Variants in XPA observed in about 807,000 individuals in gnomAD.
XPA encodes the protein XPA, DNA damage recognition and repair factor.
In XPA, 27 loss-of-function variants were observed where a neutral mutation model predicts 35.7. The observed-to-expected ratio is 0.76, with a 90% CI of 0.56 to 1.04. XPA has a LOEUF of 1.04. Ranked by LOEUF, XPA falls within the 50% of genes least tolerant of loss-of-function variation. The probability of loss-of-function intolerance (pLI) is 0.00; values close to 1 mark genes in which losing one functional copy is unlikely to be tolerated. For synonymous variants in XPA, 133 were observed against 118.4 expected (o/e 1.12, Z -0.80); for missense variants, 354 against 342.7 (o/e 1.03, Z -0.26).
intron 3 of XPA, among the ~76,000 whole-genome samples, chr9:97,687,893 G>A (rs1046249098): frequency 1.3e-5 from 2 of 152,126 alleles, no homozygotes; most frequent in Non-Finnish European, 2.9e-5. Context: ...TGGAGACATA[G>A]CCAGCGAATG....
At chr9:97,665,765 C>A in the XPA span, among the ~76,000 whole-genome samples, 142 of 150,012 alleles carry the variant, frequency 9.5e-4, no homozygotes, top group African/African-American at 3.4e-3. Flanking sequence ...ACCCACCCCA[C>A]CCCACACAGT....
downstream of XPA, chr9:97,671,872 C>T (rs1354864418): frequency 6.6e-6 from 1 of 152,158 alleles, no homozygotes; most frequent in Non-Finnish European, 1.5e-5. Context: ...GGGGGTGGAA[C>T]GCAGACATCC....
chr9:97,693,903 A>AG (rs1247217027), intron 1 of XPA, 144 bp from the exon 2 acceptor site: 4 of 794,134 alleles, frequency 5.0e-6, no homozygotes, highest in African/African-American at 3.5e-5. Context: ...TCAACATTAT[A>AG]CTGAAGGTCC....
chr9:97,680,890 G>A (rs1828520196), intron 5 of XPA, among the ~76,000 whole-genome samples: 1 of 152,206 alleles, frequency 6.6e-6, no homozygotes. Context: ...CCTAATTGAA[G>A]CTGGAGACAA....
downstream of XPA, chr9:97,671,080 C>T (rs759928338): frequency 2.5e-6 from 4 of 1,588,208 alleles, no homozygotes; most frequent in East Asian, 8.9e-5. Context: ...TTTTGTGTGT[C>T]CACAGCATCA....
chr9:97,691,465 G>A (rs1253164890), intron 2 of XPA, among the ~76,000 whole-genome samples: 1 of 143,548 alleles, frequency 7.0e-6, no homozygotes, highest in African/African-American at 3.0e-5. Flanking sequence ...ACTTTGGGAG[G>A]CCAAGGTGGG....
At chr9:97,673,706 T>G (rs901540575), downstream of XPA, 10 of 152,244 alleles carry the variant, frequency 6.6e-5, no homozygotes, top group African/African-American at 2.2e-4. Context: ...AATATTCTGT[T>G]AAATTGTGCT....
chr9:97,665,713 C>T, the XPA span, among the ~76,000 whole-genome samples: 1 of 152,158 alleles, frequency 6.6e-6, no homozygotes, highest in Non-Finnish European at 1.5e-5. Flanking sequence ...GTACAGTTCA[C>T]CCTTGAACAA....
chr9:97,684,246 T>TGATGGATG (rs141601649), intron 5 of XPA, among the ~76,000 whole-genome samples: 1 of 152,138 alleles, frequency 6.6e-6, no homozygotes, highest in East Asian at 1.9e-4. Context: ...CTGGATGTAT[T>TGATGGATG]GATGGATGGA....
the XPA span, among the ~76,000 whole-genome samples, chr9:97,667,551 C>G: frequency 2.0e-5 from 3 of 152,112 alleles, no homozygotes; most frequent in African/African-American, 7.2e-5. Context: ...ATGGTGTCAT[C>G]TCATTTTGTA....
At chr9:97,683,028 C>A (rs2131390241) in intron 5 of XPA, among the ~76,000 whole-genome samples, 1 of 152,094 alleles carries the variant, frequency 6.6e-6, no homozygotes, top group African/African-American at 2.4e-5. Flanking sequence ...GTACAGACAG[C>A]CCTCGTTTTA....
the XPA span, among the ~76,000 whole-genome samples, chr9:97,667,395 G>A: frequency 6.6e-5 from 10 of 152,110 alleles, no homozygotes; most frequent in African/African-American, 1.7e-4. Flanking sequence ...CCAGTGTTAT[G>A]CATATTTACC....
chr9:97,688,165 T>C (rs1472343429), intron 3 of XPA, among the ~76,000 whole-genome samples: 1 of 152,154 alleles, frequency 6.6e-6, no homozygotes, highest in Admixed American at 6.5e-5. Context: ...AAGTGTAATG[T>C]TTCCAGACTT....
intron 4 of XPA, among the ~76,000 whole-genome samples, chr9:97,686,465 A>G (rs1311574591): frequency 6.6e-6 from 1 of 152,170 alleles, no homozygotes; most frequent in African/African-American, 2.4e-5. Context: ...GGTATTTATG[A>G]AATTCTTGAA....
intron 3 of XPA, 143 bp from the exon 4 acceptor site, chr9:97,687,404 CA>C: frequency 1.6e-6 from 1 of 634,684 alleles, no homozygotes; most frequent in Admixed American, 3.3e-5. Flanking sequence ...AAATTAGCAA[CA>C]TAAGAATTCT....
chr9:97,656,126 G>A, the XPA span: 1 of 1,491,930 alleles, frequency 6.7e-7, no homozygotes, highest in Non-Finnish European at 9.3e-7. Context: ...TCTTTGGGAG[G>A]ATTTCTTTCT....
At chr9:97,695,260 C>T (rs1348378717) in intron 1 of XPA, among the ~76,000 whole-genome samples, 1 of 152,172 alleles carries the variant, frequency 6.6e-6, no homozygotes, top group African/African-American at 2.4e-5. Flanking sequence ...GCTACAGTCA[C>T]TCCCCTTCTC....
rs183171013 is a variant in XPA, at chr9:97,694,082, C to T, written c.173-323G>A. On this transcript the variant is annotated intron_variant, in intron 1 of 5. Coordinates refer to ENST00000375128, the MANE Select transcript of XPA (RefSeq NM_000380.4). ...AGGAAGAGATGTGTACAACCTCTGC[C>T]CTGAAAACTACAAAACACTAAGAGA... Among the ~76,000 whole-genome samples the T allele has an allele frequency of 4.1e-4, 63 of 152,276 alleles. No homozygotes were observed. The South Asian group carries it at 9.3e-3, about 23-fold the overall frequency.
At chr9:97,694,483 A>C (rs1828985077) in intron 1 of XPA, among the ~76,000 whole-genome samples, 1 of 152,248 alleles carries the variant, frequency 6.6e-6, no homozygotes, top group Non-Finnish European at 1.5e-5. Flanking sequence ...ACAAATGAGG[A>C]TATCCAAACG....
Sources: allele counts gnomAD v4.1 joint callset (sites outside exome capture counted in the v4.1 genomes callset), GRCh38; gene constraint gnomAD v4.1.1; transcripts MANE v1.5; gene names NCBI Gene and HGNC (gene_info 2026-07-23, HGNC 2026-07-21).